The following AGBL4 variants were observed in gnomAD, a reference collection of about 807,000 sequenced individuals.
AGBL4 encodes cytosolic carboxypeptidase 6.
In AGBL4, 58 loss-of-function variants were observed where a neutral mutation model predicts 66.4. That is an observed-to-expected ratio of 0.87 (90% CI 0.71 to 1.09). AGBL4 has a LOEUF of 1.09. AGBL4 is among the 50% of genes least tolerant of loss of function. The pLI is 0.00. For synonymous variants in AGBL4, 234 were observed against 222.9 expected (o/e 1.05, Z -0.44); for missense variants, 579 against 631.0 (o/e 0.92, Z 0.88).
intron 5 of AGBL4, among the ~76,000 whole-genome samples, chr1:48,980,407 A>G (rs1457155187): frequency 1.3e-5 from 2 of 152,136 alleles, no homozygotes; most frequent in African/African-American, 4.8e-5. Context: ...AGATAGCCAG[A>G]TTGCTGCCAA....
intron 6 of AGBL4, among the ~76,000 whole-genome samples, chr1:48,716,321 G>A (rs895763536): frequency 6.6e-6 from 1 of 152,118 alleles, no homozygotes; most frequent in Non-Finnish European, 1.5e-5. Context: ...AACAGACTTG[G>A]ATTTGAATCC....
chr1:48,919,021 T>C (rs954483668), intron 5 of AGBL4, among the ~76,000 whole-genome samples: 2 of 152,138 alleles, frequency 1.3e-5, no homozygotes, highest in Non-Finnish European at 2.9e-5. Flanking sequence ...GTCTCCATAA[T>C]AGAAGGAAGC....
chr1:49,039,079 A>C (rs1664893674), intron 5 of AGBL4, among the ~76,000 whole-genome samples: 1 of 152,146 alleles, frequency 6.6e-6, no homozygotes, highest in African/African-American at 2.4e-5. Context: ...CACGAAGCGA[A>C]AGAAGCCAAT....
intron 1 of AGBL4, among the ~76,000 whole-genome samples, chr1:49,997,026 A>G (rs1054694293): frequency 1.3e-5 from 2 of 152,222 alleles, no homozygotes; most frequent in African/African-American, 4.8e-5. Flanking sequence ...CCAAAATCAA[A>G]TCAGCACTAC....
chr1:49,111,025 T>C (rs977231770), intron 4 of AGBL4, among the ~76,000 whole-genome samples: 1 of 152,166 alleles, frequency 6.6e-6, no homozygotes. Context: ...CAATGTCTTC[T>C]AATGTAGATT....
intron 2 of AGBL4, among the ~76,000 whole-genome samples, chr1:49,718,472 G>A (rs950429659): frequency 6.6e-6 from 1 of 152,012 alleles, no homozygotes; most frequent in Non-Finnish European, 1.5e-5. Context: ...TTTATTTGCA[G>A]CAATGTAAGA....
rs376453142 is a variant in AGBL4, at chr1:49,391,037, C to T, written c.283-145173G>A. 1.8e-3 allele frequency among the ~76,000 whole-genome samples: 281 copies of T among 152,142 alleles called. 2 individuals carry two copies. The highest frequency in any genetic ancestry group is 6.4e-3 in the African/African-American group (266 of 41,492). On this transcript the variant is annotated intron_variant, in intron 3 of 13. Coordinates refer to ENST00000371839, the MANE Select transcript of AGBL4 (RefSeq NM_032785.4). ...ATGAGTGGAAGAGGAAGATGAAATTCTTAGAAAAGAGTGCTGAAGGAAGAA... is the reference window on the plus strand; with the variant it reads ...ATGAGTGGAAGAGGAAGATGAAATTTTTAGAAAAGAGTGCTGAAGGAAGAA...
intron 2 of AGBL4, among the ~76,000 whole-genome samples, chr1:49,729,497 A>T (rs116332624): frequency 1.2e-4 from 18 of 152,322 alleles, no homozygotes; most frequent in African/African-American, 4.3e-4. Context: ...TGTGAATTTC[A>T]AGAGCATAAA....
intron 6 of AGBL4, among the ~76,000 whole-genome samples, chr1:48,748,157 A>G (rs887741805): frequency 6.6e-6 from 1 of 152,216 alleles, no homozygotes; most frequent in African/African-American, 2.4e-5. Flanking sequence ...CTTCATAACA[A>G]TGAAGGAGTT....
chr1:49,244,161 G>A (rs2148325775), intron 4 of AGBL4, among the ~76,000 whole-genome samples: 1 of 151,902 alleles, frequency 6.6e-6, no homozygotes, highest in Admixed American at 6.6e-5. Flanking sequence ...AAAATGGATG[G>A]TGATTATTAT....
At chr1:49,185,627 T>C (rs898633355) in intron 4 of AGBL4, among the ~76,000 whole-genome samples, 2 of 152,184 alleles carry the variant, frequency 1.3e-5, no homozygotes, top group Non-Finnish European at 2.9e-5. Flanking sequence ...ATGCCTCACA[T>C]TGAACTAAAA....
intron 6 of AGBL4, among the ~76,000 whole-genome samples, chr1:48,709,674 T>C (rs965700947): frequency 2.0e-4 from 31 of 151,842 alleles, no homozygotes; most frequent in Admixed American, 1.9e-3. Flanking sequence ...TGATCTCAGC[T>C]CACTGCAAGG....
At chr1:49,306,697 A>G (rs1181404962) in intron 3 of AGBL4, among the ~76,000 whole-genome samples, 1 of 152,156 alleles carries the variant, frequency 6.6e-6, no homozygotes, top group African/African-American at 2.4e-5. Flanking sequence ...CTAGCCTGTG[A>G]TGGGTTTTCC....
At position 48,663,248 on chromosome 1, in the gene AGBL4, G is replaced by T. The variant is rs541068837; in HGVS notation, c.635-7C>A. The T allele has an allele frequency of 1.9e-6, 3 of 1,613,814 alleles. No individual in the cohort carries two copies. In the East Asian group the frequency reaches 6.7e-5, roughly 36 times the overall value. On this transcript the variant is annotated splice_polypyrimidine_tract_variant and splice_region_variant and intron_variant, in intron 6 of 13. Coordinates refer to ENST00000371839, the MANE Select transcript of AGBL4 (RefSeq NM_032785.4). Reference sequence around the variant, plus strand: ...GCCCCTTCCCGGAGATTGTCTGTAAGATAAAATGAAAGATGGTTGCTAAGG... The same window carrying T: ...GCCCCTTCCCGGAGATTGTCTGTAATATAAAATGAAAGATGGTTGCTAAGG...
At chr1:49,859,259 T>C (rs1385046703) in intron 1 of AGBL4, among the ~76,000 whole-genome samples, 1 of 152,178 alleles carries the variant, frequency 6.6e-6, no homozygotes, top group Non-Finnish European at 1.5e-5. Flanking sequence ...TAGATGAAAT[T>C]ACTAAGCAGA....
At chr1:48,865,849 T>A (rs1213457806) in intron 6 of AGBL4, among the ~76,000 whole-genome samples, 1 of 152,106 alleles carries the variant, frequency 6.6e-6, no homozygotes, top group Admixed American at 6.5e-5. Context: ...TTAAACTGTA[T>A]CGGACATAGA....
chr1:49,530,276 A>AAAAAAC lies in AGBL4; in HGVS notation c.282+167036_282+167037insGTTTTT, dbSNP rs1428624767. Among the ~76,000 whole-genome samples the AAAAAAC allele has an allele frequency of 3.2e-4, 47 of 147,316 alleles. 3 individuals are homozygous for AAAAAAC. In the South Asian group the frequency reaches 9.2e-3, roughly 29 times the overall value. ...AGAATTTGTAAAAAAAAAAAAACAA[A>AAAAAAC]AAAAAACTCTATGAGTTTTTTTTTA... On this transcript the variant is annotated intron_variant, in intron 3 of 13. Coordinates refer to ENST00000371839, the MANE Select transcript of AGBL4 (RefSeq NM_032785.4).
intron 6 of AGBL4, among the ~76,000 whole-genome samples, chr1:48,685,739 C>T (rs1394342042): frequency 6.6e-6 from 1 of 152,168 alleles, no homozygotes; most frequent in Non-Finnish European, 1.5e-5. Context: ...TGTCTCCTTT[C>T]TTCACCTAGG....
intron 6 of AGBL4, among the ~76,000 whole-genome samples, chr1:48,700,203 C>G (rs1646780314): frequency 6.6e-6 from 1 of 152,160 alleles, no homozygotes; most frequent in Non-Finnish European, 1.5e-5. Context: ...CTCATAGGTT[C>G]CCTCCATTTT....
Sources: allele counts gnomAD v4.1 joint callset (sites outside exome capture counted in the v4.1 genomes callset), GRCh38; gene constraint gnomAD v4.1.1; transcripts MANE v1.5; gene names NCBI Gene and HGNC (gene_info 2026-07-23, HGNC 2026-07-21).